Variants in AFG2A observed in about 807,000 individuals in gnomAD.
AFG2A encodes the protein ATPase family gene 2 protein homolog A.
the AFG2A span, among the ~76,000 whole-genome samples, chr4:123,154,313 A>C: frequency 6.6e-6 from 1 of 152,174 alleles, no homozygotes; most frequent in East Asian, 1.9e-4. Flanking sequence ...ATATTCATCA[A>C]AGTATATACA....
At chr4:123,215,047 A>G in the AFG2A span, among the ~76,000 whole-genome samples, 42 of 152,104 alleles carry the variant, frequency 2.8e-4, no homozygotes, top group African/African-American at 9.9e-4. Flanking sequence ...TTTTGCCTGC[A>G]TGATAACTGC....
the AFG2A span, among the ~76,000 whole-genome samples, chr4:122,968,718 A>G: frequency 6.6e-6 from 1 of 152,000 alleles, no homozygotes; most frequent in Non-Finnish European, 1.5e-5. Flanking sequence ...GGGTTATAGG[A>G]TTCTTGTTAC....
At chr4:122,985,349 T>C in the AFG2A span, among the ~76,000 whole-genome samples, 15 of 152,108 alleles carry the variant, frequency 9.9e-5, no homozygotes, top group Admixed American at 9.8e-4. Flanking sequence ...GGCTTGTCTC[T>C]AACTCTTGAC....
chr4:123,318,571 C>T, the AFG2A span: 1 of 152,086 alleles, frequency 6.6e-6, no homozygotes, highest in Admixed American at 6.6e-5. Context: ...TTTACCTCAG[C>T]TTCATCTCCA....
the AFG2A span, among the ~76,000 whole-genome samples, chr4:123,123,984 A>G: frequency 1.4e-5 from 2 of 147,710 alleles, no homozygotes. Flanking sequence ...AAAGTCAGGA[A>G]ACAACAGGTG....
the AFG2A span, among the ~76,000 whole-genome samples, chr4:123,276,203 G>A: frequency 2.6e-5 from 4 of 151,932 alleles, no homozygotes; most frequent in South Asian, 2.1e-4. Flanking sequence ...ATGGTATCTC[G>A]TTGTGGTTTT....
At chr4:122,945,053 G>T in the AFG2A span, among the ~76,000 whole-genome samples, 14 of 152,320 alleles carry the variant, frequency 9.2e-5, no homozygotes, top group South Asian at 2.1e-4. Flanking sequence ...CCTACTGGGG[G>T]TGCCTCCCAG....
the AFG2A span, among the ~76,000 whole-genome samples, chr4:123,077,069 A>T: frequency 7.5e-6 from 1 of 133,030 alleles, no homozygotes; most frequent in African/African-American, 2.9e-5. Context: ...TTTTTTTGAG[A>T]CAGAGTCTCA....
chr4:122,946,606 T>C, the AFG2A span, among the ~76,000 whole-genome samples: 3 of 152,218 alleles, frequency 2.0e-5, no homozygotes, highest in Admixed American at 6.5e-5. Flanking sequence ...TACAGGTGGC[T>C]GATCATGATC....
chr4:123,006,626 A>T, the AFG2A span, among the ~76,000 whole-genome samples: 2 of 152,116 alleles, frequency 1.3e-5, no homozygotes, highest in South Asian at 2.1e-4. Context: ...TGAAATGGCT[A>T]ATCTGCTGTT....
the AFG2A span, among the ~76,000 whole-genome samples, chr4:123,197,336 C>T: frequency 2.6e-5 from 4 of 152,054 alleles, no homozygotes; most frequent in East Asian, 1.9e-4. Context: ...AAATCATCCC[C>T]GGGTTAAGAG....
At chr4:123,167,538 G>A in the AFG2A span, among the ~76,000 whole-genome samples, 6 of 152,082 alleles carry the variant, frequency 3.9e-5, no homozygotes, top group East Asian at 5.8e-4. Context: ...TAGTAGAGAC[G>A]GGGTTTCACC....
At chr4:123,017,156 GA>G in the AFG2A span, among the ~76,000 whole-genome samples, 1 of 77,306 alleles carries the variant, frequency 1.3e-5, no homozygotes, top group Non-Finnish European at 3.1e-5. Context: ...AGAGGGGGGA[GA>G]GGGAAGGGGA....
chr4:123,062,492 T>C, the AFG2A span, among the ~76,000 whole-genome samples: 2 of 152,320 alleles, frequency 1.3e-5, no homozygotes, highest in South Asian at 2.1e-4. Flanking sequence ...TCTGTTAACA[T>C]AGTCAATGTT....
chr4:123,019,337 A>G, the AFG2A span, among the ~76,000 whole-genome samples: 2 of 152,180 alleles, frequency 1.3e-5, no homozygotes, highest in Admixed American at 6.5e-5. Context: ...ATATCAAAAA[A>G]GTATGAAGTT....
chr4:123,149,823 TTGGTCAGA>T, the AFG2A span, among the ~76,000 whole-genome samples: 1 of 122,870 alleles, frequency 8.1e-6, no homozygotes, highest in African/African-American at 2.9e-5. Context: ...TTTTTTTTTT[TTGGTCAGA>T]GTCTCACTCT....
At chr4:123,151,152 A>G in the AFG2A span, among the ~76,000 whole-genome samples, 2 of 152,214 alleles carry the variant, frequency 1.3e-5, no homozygotes, top group Non-Finnish European at 2.9e-5. Context: ...CATAAGACCT[A>G]AAACCATAAA....
chr4:123,022,141 T>A, the AFG2A span, among the ~76,000 whole-genome samples: 1 of 151,968 alleles, frequency 6.6e-6, no homozygotes, highest in African/African-American at 2.4e-5. Flanking sequence ...GGACTTCATG[T>A]CTAAAACACC....
At chr4:123,047,026 C>T in the AFG2A span, among the ~76,000 whole-genome samples, 1,901 of 152,242 alleles carry the variant, frequency 0.012, 41 homozygotes, top group African/African-American at 0.043. Flanking sequence ...ACTCCATACC[C>T]TGGCTGTTGT....
Sources: gnomAD v4.1 joint callset for allele counts (sites outside exome capture counted in the v4.1 genomes callset) on GRCh38, gnomAD v4.1.1 for gene constraint, MANE v1.5 for transcripts, NCBI Gene and HGNC (gene_info 2026-07-23, HGNC 2026-07-21) for gene names.